The following PPM1H variants were observed in gnomAD, a reference collection of about 807,000 sequenced individuals.
PPM1H encodes the protein protein phosphatase 1H.
In PPM1H, 27 loss-of-function variants were observed where a neutral mutation model predicts 54.9. That is an observed-to-expected ratio of 0.49 (90% CI 0.36 to 0.68). PPM1H has a LOEUF of 0.68. Ranked by LOEUF, PPM1H falls within the 30% of genes least tolerant of loss-of-function variation. The probability of loss-of-function intolerance (pLI) is 0.00; values close to 1 mark genes in which losing one functional copy is unlikely to be tolerated. For missense variants in PPM1H, 596 were observed against 667.8 expected (o/e 0.89, Z 1.19); for synonymous variants, 305 against 270.8 (o/e 1.13, Z -1.24).
At chr12:62,932,143 C>T (rs1034606473) in intron 1 of PPM1H, among the ~76,000 whole-genome samples, 2 of 150,250 alleles carry the variant, frequency 1.3e-5, no homozygotes, top group Admixed American at 6.6e-5. Context: ...TTATTTTTGC[C>T]ACTAACTTTA....
intron 6 of PPM1H, among the ~76,000 whole-genome samples, chr12:62,712,659 ACT>A (rs1371132351): frequency 3.3e-5 from 5 of 152,230 alleles, no homozygotes; most frequent in Admixed American, 6.5e-5. Context: ...ACTCTGTAAA[ACT>A]CAAGAGTCAA....
intron 6 of PPM1H, among the ~76,000 whole-genome samples, chr12:62,694,431 G>A (rs1165872994): frequency 6.6e-6 from 1 of 152,168 alleles, no homozygotes; most frequent in East Asian, 1.9e-4. Context: ...CCTTGTATTG[G>A]GATGGCTAGG....
chr12:62,856,897 GTAC>G (rs1247957901), intron 1 of PPM1H, among the ~76,000 whole-genome samples: 13 of 152,038 alleles, frequency 8.6e-5, no homozygotes, highest in Non-Finnish European at 1.5e-4. Flanking sequence ...GCTTCACAGG[GTAC>G]CAGACACTTG....
chr12:62,837,156 A>G (rs1868526364), intron 1 of PPM1H, among the ~76,000 whole-genome samples: 2 of 152,192 alleles, frequency 1.3e-5, no homozygotes, highest in Admixed American at 6.5e-5. Flanking sequence ...TGTAATCATC[A>G]CCACCTCAAT....
intron 1 of PPM1H, among the ~76,000 whole-genome samples, chr12:62,875,958 C>T (rs1166038130): frequency 6.6e-6 from 1 of 152,192 alleles, no homozygotes; most frequent in Non-Finnish European, 1.5e-5. Context: ...AGCATGTCCA[C>T]AGCATGCTAA....
chr12:62,689,699 C>T lies in PPM1H; in HGVS notation c.1245G>A (p.Glu415=). 6.2e-7 allele frequency: 1 copy of T among 1,611,560 alleles called. No individual in the cohort carries two copies. The highest frequency in any genetic ancestry group is 8.5e-7 in the Non-Finnish European group (1 of 1,178,218). Residue 415 remains glutamate, a splice_region_variant and synonymous_variant, in exon 8 of 10, where the codon GAG becomes GAA. Transcript: ENST00000228705. ...TATAAACAAAAACCTCATGCGGTACCTCTGGAGCTGAAGACAGGAATGGTT... is the reference window on the plus strand; with the variant it reads ...TATAAACAAAAACCTCATGCGGTACTTCTGGAGCTGAAGACAGGAATGGTT... ...YIKPFLSSAP[E]VRIYDLSKYD...
At chr12:62,754,538 C>G (rs1338548274) in intron 4 of PPM1H, among the ~76,000 whole-genome samples, 1 of 152,178 alleles carries the variant, frequency 6.6e-6, no homozygotes, top group Non-Finnish European at 1.5e-5. Context: ...CCACTGTACT[C>G]TAGCCCAGGT....
chr12:62,932,628 C>CTTTTTTTTTTGTTT (rs1872178166), intron 1 of PPM1H, among the ~76,000 whole-genome samples: 1 of 54,012 alleles, frequency 1.9e-5, no homozygotes, highest in Non-Finnish European at 3.2e-5. Context: ...TCCAAATGGG[C>CTTTTTTTTTTGTTT]TTTTTTTTTT....
chr12:62,894,418 C>G (rs571016533), intron 1 of PPM1H, among the ~76,000 whole-genome samples: 1 of 152,246 alleles, frequency 6.6e-6, no homozygotes, highest in East Asian at 1.9e-4. Context: ...AAGGAACTCT[C>G]CTAGTATGTA....
At chr12:62,926,478 G>C (rs1565831463) in intron 1 of PPM1H, among the ~76,000 whole-genome samples, 2 of 151,968 alleles carry the variant, frequency 1.3e-5, no homozygotes, top group East Asian at 3.8e-4. Flanking sequence ...GATTAGGTAT[G>C]ACCACCCAAA....
At chr12:62,736,851 A>G (rs905725201) in intron 5 of PPM1H, among the ~76,000 whole-genome samples, 1 of 152,212 alleles carries the variant, frequency 6.6e-6, no homozygotes, top group African/African-American at 2.4e-5. Context: ...TTAAACCAAG[A>G]TTCTAAGCCT....
intron 4 of PPM1H, among the ~76,000 whole-genome samples, chr12:62,779,611 T>C (rs1267426318): frequency 6.6e-6 from 1 of 152,202 alleles, no homozygotes; most frequent in Non-Finnish European, 1.5e-5. Flanking sequence ...GTGAGTACTA[T>C]CATTATCTCC....
chr12:62,928,335 TG>T (rs1358666737), intron 1 of PPM1H, among the ~76,000 whole-genome samples: 2 of 152,156 alleles, frequency 1.3e-5, no homozygotes, highest in Admixed American at 1.3e-4. Context: ...AAAAACAACT[TG>T]GGAAAGGCTC....
intron 2 of PPM1H, among the ~76,000 whole-genome samples, chr12:62,827,788 C>G (rs913296885): frequency 1.3e-5 from 2 of 152,102 alleles, no homozygotes; most frequent in Non-Finnish European, 2.9e-5. Context: ...GGAAGGCTTT[C>G]CTAACCTTAC....
chr12:62,726,521 G>A (rs2076290291), intron 5 of PPM1H, among the ~76,000 whole-genome samples: 1 of 152,110 alleles, frequency 6.6e-6, no homozygotes, highest in African/African-American at 2.4e-5. Flanking sequence ...TTAAAAGACT[G>A]CTGAGAAGAG....
At chr12:62,683,056 TA>T (rs1481831782) in intron 8 of PPM1H, among the ~76,000 whole-genome samples, 7 of 145,000 alleles carry the variant, frequency 4.8e-5, no homozygotes, top group African/African-American at 1.7e-4. Context: ...TTATTATTAT[TA>T]TTATTATTAT....
chr12:62,742,252 T>G (rs2076385628), intron 4 of PPM1H, among the ~76,000 whole-genome samples: 1 of 152,228 alleles, frequency 6.6e-6, no homozygotes, highest in African/African-American at 2.4e-5. Context: ...TACAGAACAT[T>G]TTTTCACTTC....
chr12:62,750,037 T>C (rs376288764), intron 4 of PPM1H, among the ~76,000 whole-genome samples: 1 of 151,312 alleles, frequency 6.6e-6, no homozygotes, highest in Non-Finnish European at 1.5e-5. Context: ...CAGTCATTAA[T>C]GAAAGGTTTT....
intron 8 of PPM1H, among the ~76,000 whole-genome samples, chr12:62,674,917 G>T (rs1242524631): frequency 6.6e-6 from 1 of 152,160 alleles, no homozygotes; most frequent in Non-Finnish European, 1.5e-5. Flanking sequence ...GTCTCTGTTT[G>T]TGAAATGAGA....
Sources: gnomAD v4.1 joint callset for allele counts (sites outside exome capture counted in the v4.1 genomes callset) on GRCh38, gnomAD v4.1.1 for gene constraint, MANE v1.5 for transcripts, NCBI Gene and HGNC (gene_info 2026-07-23, HGNC 2026-07-21) for gene names.